Variants in MATCAP2 observed in about 807,000 individuals in gnomAD.
The protein encoded by MATCAP2 is microtubule associated tyrosine carboxypeptidase 2.
the MATCAP2 span, among the ~76,000 whole-genome samples, chr7:36,331,645 T>A: frequency 6.6e-6 from 1 of 152,298 alleles, no homozygotes; most frequent in East Asian, 1.9e-4. Context: ...TAGAACTAGA[T>A]TTTGGAGAGC....
chr7:36,334,180 A>G, the MATCAP2 span: 2 of 1,552,072 alleles, frequency 1.3e-6, no homozygotes, highest in South Asian at 1.2e-5. Flanking sequence ...AAGAAAAGTT[A>G]CATGAAGAAA....
the MATCAP2 span, among the ~76,000 whole-genome samples, chr7:36,330,578 C>T: frequency 6.6e-6 from 1 of 152,110 alleles, no homozygotes. Context: ...TTGAAGTGGA[C>T]TCTATTTTAG....
chr7:36,389,405 C>G, the MATCAP2 span, among the ~76,000 whole-genome samples: 2 of 151,966 alleles, frequency 1.3e-5, no homozygotes, highest in Non-Finnish European at 2.9e-5. Flanking sequence ...CTCTGCCGCC[C>G]AGGCTGGAGT....
chr7:36,379,397 T>A, the MATCAP2 span, among the ~76,000 whole-genome samples: 2 of 152,208 alleles, frequency 1.3e-5, 1 homozygote, highest in Admixed American at 1.3e-4. Flanking sequence ...TCTTTCTTTC[T>A]ATCTATCTAC....
chr7:36,374,506 A>C, the MATCAP2 span, among the ~76,000 whole-genome samples: 4 of 151,858 alleles, frequency 2.6e-5, no homozygotes, highest in Non-Finnish European at 5.9e-5. Flanking sequence ...AGATTCAAAA[A>C]CCCCTAAGAC....
At chr7:36,350,695 C>A in the MATCAP2 span, among the ~76,000 whole-genome samples, 1 of 152,164 alleles carries the variant, frequency 6.6e-6, no homozygotes, top group African/African-American at 2.4e-5. Context: ...GCATGCGCCA[C>A]CATGCCCAGA....
chr7:36,363,561 T>C, the MATCAP2 span, among the ~76,000 whole-genome samples: 3 of 152,224 alleles, frequency 2.0e-5, no homozygotes, highest in African/African-American at 7.2e-5. Context: ...TGATATTACA[T>C]GAAATCTTGA....
chr7:36,342,431 A>C, the MATCAP2 span, among the ~76,000 whole-genome samples: 1 of 152,128 alleles, frequency 6.6e-6, no homozygotes. Flanking sequence ...TCATAGTCAT[A>C]CTAAAATATT....
chr7:36,389,945 GAC>G, the MATCAP2 span: 98 of 1,613,174 alleles, frequency 6.1e-5, 1 homozygote, highest in African/African-American at 9.3e-4. Flanking sequence ...TTTTCCAGGA[GAC>G]ACACTGAGCT....
the MATCAP2 span, among the ~76,000 whole-genome samples, chr7:36,377,684 C>T: frequency 6.6e-6 from 1 of 152,154 alleles, no homozygotes; most frequent in Non-Finnish European, 1.5e-5. Context: ...TGGATAATAT[C>T]CTGGGGAGTG....
chr7:36,383,953 T>TA, the MATCAP2 span: 2 of 1,398,800 alleles, frequency 1.4e-6, no homozygotes. Context: ...AGATTTGTGT[T>TA]ATTGTATTAC....
At chr7:36,329,537 C>T in the MATCAP2 span, among the ~76,000 whole-genome samples, 1 of 152,072 alleles carries the variant, frequency 6.6e-6, no homozygotes, top group Non-Finnish European at 1.5e-5. Context: ...AAACTGTGCC[C>T]AGACATTTTA....
chr7:36,334,311 C>A, the MATCAP2 span: 2 of 616,342 alleles, frequency 3.2e-6, no homozygotes, highest in East Asian at 2.9e-5. Flanking sequence ...CCGAGGCATG[C>A]GGATCACTTG....
chr7:36,368,869 G>A, the MATCAP2 span, among the ~76,000 whole-genome samples: 2 of 152,046 alleles, frequency 1.3e-5, no homozygotes, highest in South Asian at 2.1e-4. Context: ...TCAGATATCC[G>A]CAGGACTAGC....
At chr7:36,364,579 C>A in the MATCAP2 span, among the ~76,000 whole-genome samples, 5 of 151,952 alleles carry the variant, frequency 3.3e-5, no homozygotes, top group Admixed American at 2.6e-4. Context: ...ATATTTGTAA[C>A]GACTTTTAGA....
the MATCAP2 span, chr7:36,334,185 A>C: frequency 6.5e-7 from 1 of 1,534,954 alleles, no homozygotes. Flanking sequence ...AAGTTACATG[A>C]AGAAAAAGAA....
the MATCAP2 span, among the ~76,000 whole-genome samples, chr7:36,360,722 GAA>G: frequency 6.6e-6 from 1 of 151,984 alleles, no homozygotes; most frequent in African/African-American, 2.4e-5. Context: ...CTTACTTTGT[GAA>G]AAAAAGACTT....
chr7:36,375,001 C>T, the MATCAP2 span, among the ~76,000 whole-genome samples: 3 of 152,128 alleles, frequency 2.0e-5, no homozygotes, highest in African/African-American at 4.8e-5. Context: ...AATAAACATA[C>T]GTGTGCATGT....
chr7:36,378,821 C>T, the MATCAP2 span, among the ~76,000 whole-genome samples: 1 of 152,254 alleles, frequency 6.6e-6, no homozygotes, highest in Admixed American at 6.5e-5. Flanking sequence ...CGCCCCTTCC[C>T]CAGCCAGGCT....
Sources: allele counts gnomAD v4.1 joint callset (sites outside exome capture counted in the v4.1 genomes callset), GRCh38; gene constraint gnomAD v4.1.1; transcripts MANE v1.5; gene names NCBI Gene and HGNC (gene_info 2026-07-23, HGNC 2026-07-21).